CCNF: variants seen among roughly 807,000 people sequenced by gnomAD.
The protein encoded by CCNF is cyclin F, also known as cyclin-F.
Under a neutral mutation model 85.4 loss-of-function variants are expected in CCNF, and 30 were observed. The observed-to-expected ratio is 0.35, with a 90% CI of 0.26 to 0.48. The LOEUF (loss-of-function observed/expected upper bound fraction) is 0.48, where lower values mean the gene tolerates loss of function less well. CCNF is among the 20% of genes least tolerant of loss of function. The pLI is 0.99. For synonymous variants in CCNF, 439 were observed against 425.1 expected (o/e 1.03, Z -0.40); for missense variants, 919 against 1,010.4 (o/e 0.91, Z 1.23).
In CCNF at chr16:2,457,035, T is replaced by C; in HGVS notation, c.*15T>C. 1 of 1,551,354 alleles carries C rather than the reference T, an allele frequency of 6.4e-7. No individual in the cohort carries two copies. The highest frequency in any genetic ancestry group is 2.3e-5 in the East Asian group (1 of 44,188). On this transcript the variant is annotated 3_prime_UTR_variant, in exon 17 of 17. Transcript: ENST00000397066. ...TGAGGCTGTAAGTGTGTCAGCACAT[T>C]TGCCGCAGTGGATGTGTACTGAGGG... is the stretch of plus-strand genomic sequence containing the variant.
intron 9 of CCNF, among the ~76,000 whole-genome samples, chr16:2,444,638 C>G (rs2065351786): frequency 6.6e-6 from 1 of 151,996 alleles, no homozygotes. Flanking sequence ...GCTCTGTCAC[C>G]CAGGCCAGAG....
intron 8 of CCNF, among the ~76,000 whole-genome samples, chr16:2,440,063 C>T (rs191983251): frequency 5.3e-5 from 8 of 152,374 alleles, no homozygotes; most frequent in Admixed American, 1.3e-4. Context: ...TCTTGCCTCT[C>T]AGCCAGCCAA....
intron 3 of CCNF, 140 bp from the exon 4 acceptor site, chr16:2,435,666 C>CACACATATATATATAT (rs1267256738): frequency 2.4e-5 from 1 of 42,334 alleles, no homozygotes; most frequent in Admixed American, 2.6e-4. Flanking sequence ...CACACACACA[C>CACACATATATATATAT]ATATATATAT....
chr16:2,433,419 T>C (rs2065272335), intron 3 of CCNF, among the ~76,000 whole-genome samples: 1 of 152,138 alleles, frequency 6.6e-6, no homozygotes, highest in Non-Finnish European at 1.5e-5. Context: ...AATTCTATCC[T>C]ATAGCGTTTC....
chr16:2,430,614 C>G (rs1480249033), intron 1 of CCNF, among the ~76,000 whole-genome samples: 1 of 152,156 alleles, frequency 6.6e-6, no homozygotes, highest in South Asian at 2.1e-4. Flanking sequence ...CACACTGCCC[C>G]GGCCTCCAAG....
intron 10 of CCNF, among the ~76,000 whole-genome samples, chr16:2,447,380 C>T (rs1013292755): frequency 6.6e-6 from 1 of 151,376 alleles, no homozygotes; most frequent in African/African-American, 2.4e-5. Context: ...GTCAGGAGTT[C>T]AAGACCAGCC....
intron 4 of CCNF, chr16:2,436,102 C>G (rs376297532): frequency 6.9e-4 from 306 of 445,750 alleles, no homozygotes; most frequent in African/African-American, 5.5e-3. Flanking sequence ...TTTAGCAAAC[C>G]CTTTAATTTC....
intron 8 of CCNF, among the ~76,000 whole-genome samples, chr16:2,441,232 CAA>C (rs1206876675): frequency 7.0e-6 from 1 of 142,326 alleles, no homozygotes; most frequent in East Asian, 2.0e-4. Context: ...TACTCCATCT[CAA>C]AAAAAAAAAA....
At chr16:2,438,641 A>AG (rs1411585494) in intron 6 of CCNF, among the ~76,000 whole-genome samples, 3 of 150,862 alleles carry the variant, frequency 2.0e-5, no homozygotes, top group Non-Finnish European at 4.4e-5. Context: ...ACTCAGTCTC[A>AG]GAAAAAAAAA....
At position 2,449,840 on chromosome 16, in the gene CCNF, C is replaced by G. The variant is rs771496661; in HGVS notation, c.1412C>G (p.Thr471Ser). ...RLTHGQTQPW[T>S]TQLWDLTGFS... ...CTTTCCTCCCCAGCACAGCCCTGGA[C>G]CACTCAGCTGTGGGACCTCACCGGA... The change falls in exon 13 of 17, where the codon ACC (threonine) becomes AGC (serine). Residue 471 changes from threonine (T) to serine (S), a missense_variant. Thr to Ser is a moderately conservative substitution (Grantham distance 58). Transcript: ENST00000397066. 4 of 1,565,738 alleles carry G rather than the reference C, an allele frequency of 2.6e-6. No homozygotes were observed. Among genetic ancestry groups the G allele is most frequent in the Middle Eastern group, 1.7e-4 (1 of 5,892 alleles).
Position 2,455,420 on chromosome 16 carries a change from G to C in CCNF, c.1741G>C (p.Asp581His), listed in dbSNP as rs1304596173. Reference protein sequence around the residue: ...KRKRENSLQEDRGSFVTTPTA... With the variant: ...KRKRENSLQEHRGSFVTTPTA... Reference sequence around the variant, plus strand: ...GAAGCGGGAGAACAGCCTCCAGGAAGACAGAGGCAGCTTCGTTACCACCCC... The same window carrying C: ...GAAGCGGGAGAACAGCCTCCAGGAACACAGAGGCAGCTTCGTTACCACCCC... The change falls in exon 16 of 17, where the codon GAC (aspartate) becomes CAC (histidine). Residue 581 changes from aspartate (D) to histidine (H), a missense_variant. Asp to His is a moderately conservative substitution (Grantham distance 81). Coordinates refer to ENST00000397066, the MANE Select transcript of CCNF (RefSeq NM_001761.3). 6.3e-7 allele frequency: 1 copy of C among 1,589,004 alleles called. No homozygotes were observed.
At chr16:2,431,916 C>T (rs887411663) in intron 2 of CCNF, among the ~76,000 whole-genome samples, 2 of 151,540 alleles carry the variant, frequency 1.3e-5, no homozygotes, top group Non-Finnish European at 2.9e-5. Context: ...CTGCAAGTTC[C>T]GCCTCCCAGG....
chr16:2,429,839 G>A (rs1180109354), intron 1 of CCNF, among the ~76,000 whole-genome samples: 1 of 152,106 alleles, frequency 6.6e-6, no homozygotes, highest in African/African-American at 2.4e-5. Flanking sequence ...GCGCCTCCTG[G>A]TCGGGGAAAG....
At chr16:2,449,597 A>C in intron 12 of CCNF, 135 bp downstream of exon 12, 1 of 879,394 alleles carries the variant, frequency 1.1e-6, no homozygotes, top group South Asian at 1.7e-5. Context: ...CACGGCTCCT[A>C]CCTTCAGTGA....
chr16:2,444,683 G>A (rs938953069), intron 9 of CCNF, among the ~76,000 whole-genome samples: 3 of 151,478 alleles, frequency 2.0e-5, no homozygotes, highest in African/African-American at 7.3e-5. Flanking sequence ...TGCAGCCTCC[G>A]CCTCCCAAGC....
chr16:2,442,871 T>C (rs2065337900), intron 8 of CCNF, among the ~76,000 whole-genome samples: 1 of 33,236 alleles, frequency 3.0e-5, no homozygotes, highest in African/African-American at 3.4e-4. Context: ...ATATTATATA[T>C]ATTATATTAT....
At position 2,439,834 on chromosome 16, in the gene CCNF, G is replaced by T; in HGVS notation, c.777+8G>T. The stretch of plus-strand genomic sequence containing the variant: ...GGCTGCTGGGAAGCGCAGGTGAGGT[G>T]CGGGGCTGGGATGACGTGGGGAGCT... On this transcript the variant is annotated splice_region_variant and intron_variant, in intron 8 of 16. Transcript: ENST00000397066. The T allele has an allele frequency of 6.2e-7, 1 of 1,613,394 alleles. No homozygotes were observed. Among genetic ancestry groups the T allele is most frequent in the Non-Finnish European group, 8.5e-7 (1 of 1,179,390 alleles).
intron 6 of CCNF, among the ~76,000 whole-genome samples, chr16:2,438,642 G>GAA (rs932243743): frequency 3.5e-5 from 4 of 114,190 alleles, no homozygotes; most frequent in Non-Finnish European, 3.7e-5. Context: ...CTCAGTCTCA[G>GAA]AAAAAAAAAA....
At chr16:2,433,155 C>T (rs2065271162) in intron 3 of CCNF, 88 bp downstream of exon 3, 8 of 789,316 alleles carry the variant, frequency 1.0e-5, no homozygotes, top group African/African-American at 3.4e-5. Context: ...GATTCAGCAA[C>T]GATTTTCCTG....
Sources: allele counts gnomAD v4.1 joint callset (sites outside exome capture counted in the v4.1 genomes callset), GRCh38; gene constraint gnomAD v4.1.1; transcripts MANE v1.5; gene names NCBI Gene and HGNC (gene_info 2026-07-23, HGNC 2026-07-21).